POC1B: variants seen among roughly 807,000 people sequenced by gnomAD.
POC1B encodes the protein POC1 centriolar protein B, also known as POC1 centriolar protein homolog B.
In POC1B, 44 loss-of-function variants were observed where a neutral mutation model predicts 60.6. The ratio of observed to expected loss-of-function variants is 0.73; its 90% CI spans 0.57 to 0.93. POC1B has a LOEUF of 0.93. Ranked by LOEUF, POC1B falls within the 40% of genes least tolerant of loss-of-function variation. The probability of loss-of-function intolerance (pLI) is 0.00; values close to 1 mark genes in which losing one functional copy is unlikely to be tolerated. For synonymous variants in POC1B, 180 were observed against 198.9 expected (o/e 0.90, Z 0.80); for missense variants, 555 against 572.3 (o/e 0.97, Z 0.31).
chr12:89,439,569 T>A (rs2120716446), intron 10 of POC1B, among the ~76,000 whole-genome samples: 1 of 152,264 alleles, frequency 6.6e-6, no homozygotes, highest in Non-Finnish European at 1.5e-5. Flanking sequence ...TGTCCATGAA[T>A]CATATTTTGA....
At chr12:89,523,085 T>C (rs1389842761) in intron 2 of POC1B, 1 of 1,613,918 alleles carries the variant, frequency 6.2e-7, no homozygotes, top group African/African-American at 1.3e-5. Context: ...TTGTTTGAAG[T>C]ATATTCAAAG....
At chr12:89,417,688 A>G (rs118150327), downstream of POC1B, among the ~76,000 whole-genome samples, 57 of 152,368 alleles carry the variant, frequency 3.7e-4, no homozygotes, top group East Asian at 0.01. Flanking sequence ...GATATAGAGA[A>G]ATCCTATTAT....
intron 4 of POC1B, among the ~76,000 whole-genome samples, chr12:89,487,971 C>A (rs992132713): frequency 4.6e-5 from 7 of 152,048 alleles, no homozygotes; most frequent in African/African-American, 1.7e-4. Context: ...AAGTAACTGT[C>A]GGCTCCCTGA....
rs558303531 is a variant in POC1B, at chr12:89,524,580, G to GC, written c.100+539dup. The GC allele has an allele frequency of 1.2e-3, 1,966 of 1,607,030 alleles. 6 individuals carry two copies. The highest frequency in any genetic ancestry group is 1.5e-3 in the Non-Finnish European group (1,726 of 1,177,942). ...TTCTCAGGGCTGAGGCGCAGACGCG[G>GC]CCACCAAGCCACCACGCAGGGGAAG... On this transcript the variant is annotated intron_variant, in intron 2 of 11. Coordinates refer to ENST00000313546, the MANE Select transcript of POC1B (RefSeq NM_172240.3).
At chr12:89,489,954 C>A (rs1182424603) in intron 4 of POC1B, among the ~76,000 whole-genome samples, 1 of 152,204 alleles carries the variant, frequency 6.6e-6, no homozygotes, top group Non-Finnish European at 1.5e-5. Context: ...AGAGTCACCA[C>A]CTGGTACTCT....
intron 6 of POC1B, among the ~76,000 whole-genome samples, chr12:89,471,134 A>T (rs1882873364): frequency 6.6e-6 from 1 of 152,232 alleles, no homozygotes; most frequent in African/African-American, 2.4e-5. Context: ...TCTGCTACAT[A>T]GTAAACACTG....
chr12:89,421,797 G>C (rs967292161), intron 11 of POC1B, among the ~76,000 whole-genome samples: 1 of 152,140 alleles, frequency 6.6e-6, no homozygotes, highest in Non-Finnish European at 1.5e-5. Context: ...ATATTACCTC[G>C]TGGAGTTGTT....
chr12:89,465,606 A>C (rs1297709496), intron 9 of POC1B, among the ~76,000 whole-genome samples: 1 of 152,242 alleles, frequency 6.6e-6, no homozygotes, highest in Non-Finnish European at 1.5e-5. Context: ...AAACAGAAGC[A>C]AAAAATGGGA....
At chr12:89,444,996 C>T (rs1010406087) in intron 10 of POC1B, among the ~76,000 whole-genome samples, 4 of 152,100 alleles carry the variant, frequency 2.6e-5, no homozygotes, top group Non-Finnish European at 5.9e-5. Flanking sequence ...TGAGTGAATT[C>T]CCATTCACAA....
chr12:89,425,939 T>C (rs1880745845), intron 10 of POC1B: 2 of 152,558 alleles, frequency 1.3e-5, no homozygotes, highest in Admixed American at 6.5e-5. Context: ...CTCAACTGGA[T>C]ACTTGTACAG....
At chr12:89,409,248 G>C in the POC1B span, among the ~76,000 whole-genome samples, 1 of 152,108 alleles carries the variant, frequency 6.6e-6, no homozygotes, top group Non-Finnish European at 1.5e-5. Context: ...GGTTTTTAAT[G>C]GTTTTAGGTC....
At chr12:89,467,918 T>C (rs1882745502) in intron 7 of POC1B, among the ~76,000 whole-genome samples, 1 of 152,170 alleles carries the variant, frequency 6.6e-6, no homozygotes, top group Admixed American at 6.5e-5. Flanking sequence ...TAAAAATTAA[T>C]TAAAAAAATA....
intron 10 of POC1B, 107 bp downstream of exon 10, chr12:89,459,531 A>G (rs1396509212): frequency 1.9e-6 from 1 of 536,698 alleles, no homozygotes; most frequent in Non-Finnish European, 3.0e-6. Context: ...TAGGCTACAT[A>G]GGCCACGTTT....
At chr12:89,521,873 T>C (rs1870908126) in intron 2 of POC1B, 1 of 397,764 alleles carries the variant, frequency 2.5e-6, no homozygotes, top group Non-Finnish European at 4.4e-6. Flanking sequence ...ACAGCCTTGG[T>C]AGAACCTAGC....
chr12:89,479,231 T>G (rs1883229813), intron 4 of POC1B, among the ~76,000 whole-genome samples: 1 of 152,204 alleles, frequency 6.6e-6, no homozygotes, highest in South Asian at 2.1e-4. Flanking sequence ...CATATTTTCA[T>G]GCCATAACTT....
intron 2 of POC1B, 144 bp downstream of exon 2, chr12:89,524,976 G>A (rs1273012599): frequency 7.8e-7 from 1 of 1,288,856 alleles, no homozygotes; most frequent in Non-Finnish European, 1.1e-6. Flanking sequence ...GCGCCCCGCC[G>A]CGCTGGGCCC....
intron 10 of POC1B, among the ~76,000 whole-genome samples, chr12:89,452,877 A>G (rs1565731492): frequency 6.6e-6 from 1 of 151,972 alleles, no homozygotes. Flanking sequence ...TCCCAAATCA[A>G]TTTTTTTTAA....
intron 4 of POC1B, 32 bp downstream of exon 4, chr12:89,491,904 G>A (rs779723507): frequency 6.2e-6 from 9 of 1,440,798 alleles, no homozygotes; most frequent in Non-Finnish European, 8.3e-6. Flanking sequence ...AAAAATATGT[G>A]GACATCTTAA....
intron 2 of POC1B, chr12:89,524,350 G>A (rs569329929): frequency 6.2e-7 from 1 of 1,613,942 alleles, no homozygotes; most frequent in East Asian, 2.2e-5. Context: ...ATCTGCAGGG[G>A]GCTTCTTATA....
Sources: allele counts gnomAD v4.1 joint callset (sites outside exome capture counted in the v4.1 genomes callset), GRCh38; gene constraint gnomAD v4.1.1; transcripts MANE v1.5; gene names NCBI Gene and HGNC (gene_info 2026-07-23, HGNC 2026-07-21).